TMTC1: variants seen among roughly 807,000 people sequenced by gnomAD.
TMTC1 encodes transmembrane O-mannosyltransferase targeting cadherins 1, also known as protein O-mannosyl-transferase TMTC1.
In TMTC1, 73 loss-of-function variants were observed where a neutral mutation model predicts 104.8. The ratio of observed to expected loss-of-function variants is 0.70; its 90% confidence interval spans 0.58 to 0.85. The LOEUF (loss-of-function observed/expected upper bound fraction) is 0.85. Ranked by LOEUF, TMTC1 falls within the 40% of genes least tolerant of loss-of-function variation. The pLI, the probability that TMTC1 is intolerant of heterozygous loss-of-function variation, is 0.00. For synonymous variants in TMTC1, 434 were observed against 428.7 expected (o/e 1.01, Z -0.15); for missense variants, 1,035 against 1,096.1 (o/e 0.94, Z 0.79).
At chr12:29,671,332 A>G (rs1289761588) in intron 5 of TMTC1, among the ~76,000 whole-genome samples, 1 of 133,716 alleles carries the variant, frequency 7.5e-6, no homozygotes, top group Non-Finnish European at 1.6e-5. Context: ...ATAAATAAAT[A>G]AAAGAAATAA....
rs1367609047 is a variant in TMTC1, at chr12:29,599,942, GTGTGTATATATA to G, written c.1250+4224_1250+4235del. ...TGTATATATATGTGTATATATATGTGTGTGTATATATATGTGTATATATATATGTGTGTGTGT... is the reference window on the plus strand; with the variant it reads ...TGTATATATATGTGTATATATATGTGTGTGTATATATATATGTGTGTGTGT... On this transcript the variant is annotated intron_variant, in intron 7 of 17. Coordinates refer to ENST00000539277, the MANE Select transcript of TMTC1 (RefSeq NM_001193451.2). 7.5e-5 allele frequency among the ~76,000 whole-genome samples: 11 copies of G among 146,064 alleles called. No homozygotes were observed. The East Asian group carries it at 2.2e-3, about 29-fold the overall frequency.
intron 10 of TMTC1, among the ~76,000 whole-genome samples, chr12:29,549,059 T>C (rs1214485041): frequency 1.4e-5 from 2 of 146,652 alleles, no homozygotes; most frequent in Non-Finnish European, 3.0e-5. Context: ...AATAAATATA[T>C]ATTTACCCAA....
chr12:29,704,909 G>A (rs879817408), intron 5 of TMTC1, among the ~76,000 whole-genome samples: 12 of 152,148 alleles, frequency 7.9e-5, no homozygotes, highest in South Asian at 2.1e-4. Context: ...CATATCTAAC[G>A]AAAAGAACCA....
At chr12:29,555,089 A>G (rs558218759) in intron 10 of TMTC1, among the ~76,000 whole-genome samples, 13 of 148,498 alleles carry the variant, frequency 8.8e-5, no homozygotes, top group African/African-American at 2.2e-4. Flanking sequence ...TTTATATTTC[A>G]CTGCTTCACA....
chr12:29,556,079 T>G (rs1207760713), intron 10 of TMTC1, among the ~76,000 whole-genome samples: 1 of 151,912 alleles, frequency 6.6e-6, no homozygotes, highest in East Asian at 1.9e-4. Context: ...AGAAGCTAAA[T>G]TCCATAACTA....
At chr12:29,528,108 C>T (rs892129994) in intron 11 of TMTC1, among the ~76,000 whole-genome samples, 11 of 152,112 alleles carry the variant, frequency 7.2e-5, no homozygotes, top group Non-Finnish European at 1.0e-4. Flanking sequence ...AAGTAAATTC[C>T]GCCTTCTCTG....
intron 9 of TMTC1, among the ~76,000 whole-genome samples, chr12:29,561,893 T>C (rs2136275034): frequency 6.6e-6 from 1 of 152,352 alleles, no homozygotes; most frequent in African/African-American, 2.4e-5. Flanking sequence ...TAAGGTCAGA[T>C]GTTTATTTTC....
Position 29,506,988 on chromosome 12 carries a change from T to G in TMTC1, c.2509-2A>C. 1.2e-6 allele frequency: 2 copies of G among 1,612,886 alleles called. No individual in the cohort carries two copies. Among genetic ancestry groups the G allele is most frequent in the Non-Finnish European group, 1.7e-6 (2 of 1,178,940 alleles). On this transcript the variant is annotated splice_acceptor_variant, in intron 17 of 17. Transcript: ENST00000539277. LOFTEE classifies it high-confidence loss of function. ...AGCTCTTGCAGACACATATTTTCCCTGGGGGTGGGAAAGAGGGAGCAATTA... is the reference window on the plus strand; with the variant it reads ...AGCTCTTGCAGACACATATTTTCCCGGGGGGTGGGAAAGAGGGAGCAATTA...
chr12:29,512,721 C>T (rs1008372407), intron 16 of TMTC1, among the ~76,000 whole-genome samples: 1 of 152,148 alleles, frequency 6.6e-6, no homozygotes, highest in Non-Finnish European at 1.5e-5. Context: ...CCCTCAAGCA[C>T]TTTCTTTGGT....
chr12:29,650,958 A>G (rs1939492008), intron 5 of TMTC1, among the ~76,000 whole-genome samples: 1 of 152,238 alleles, frequency 6.6e-6, no homozygotes, highest in Non-Finnish European at 1.5e-5. Context: ...TGTTGTTTCA[A>G]AAGAAAACAC....
chr12:29,599,986 G>GTGTGTATACATATA (rs1565699720), intron 7 of TMTC1, among the ~76,000 whole-genome samples: 1 of 99,150 alleles, frequency 1.0e-5, no homozygotes, highest in African/African-American at 6.4e-5. Context: ...GTGTGTGTGT[G>GTGTGTATACATATA]TATATACATA....
At chr12:29,636,875 T>C (rs1938576443) in intron 5 of TMTC1, among the ~76,000 whole-genome samples, 1 of 148,174 alleles carries the variant, frequency 6.7e-6, no homozygotes, top group Non-Finnish European at 1.5e-5. Context: ...CAAGACCTCA[T>C]CTCTACAAAA....
At position 29,758,659 on chromosome 12, in the gene TMTC1, G is replaced by A. The variant is rs201663205; in HGVS notation, c.554+45C>T. The stretch of plus-strand genomic sequence containing the variant: ...GCACATGCTCCCAGTCTACACACAC[G>A]GCACAGTTGCGATCACAGAGAAGGG... On this transcript the variant is annotated intron_variant, in intron 3 of 17. Coordinates refer to ENST00000539277, the MANE Select transcript of TMTC1 (RefSeq NM_001193451.2). 203 of 1,570,538 alleles carry A rather than the reference G, an allele frequency of 1.3e-4. 1 individual carries two copies. The highest frequency in any genetic ancestry group is 3.3e-4 in the Middle Eastern group (2 of 5,986).
intron 9 of TMTC1, 70 bp from the exon 10 acceptor site, chr12:29,557,070 TC>T: frequency 6.4e-7 from 1 of 1,558,642 alleles, no homozygotes. Flanking sequence ...TGCTTGTTCT[TC>T]TTCCCCCAAG....
chr12:29,761,591 T>TTTA (rs72512278), intron 2 of TMTC1, among the ~76,000 whole-genome samples: 1 of 151,658 alleles, frequency 6.6e-6, no homozygotes, highest in Non-Finnish European at 1.5e-5. Flanking sequence ...CGTTTTTTTT[T>TTTA]TAATCCAAGA....
intron 1 of TMTC1, among the ~76,000 whole-genome samples, chr12:29,774,207 G>A (rs1326238583): frequency 2.0e-5 from 3 of 152,114 alleles, no homozygotes; most frequent in Non-Finnish European, 1.5e-5. Context: ...TGGTGTGGTA[G>A]CTACAATTGT....
intron 6 of TMTC1, among the ~76,000 whole-genome samples, chr12:29,630,877 T>A (rs1938260871): frequency 6.6e-6 from 1 of 152,194 alleles, no homozygotes; most frequent in South Asian, 2.1e-4. Context: ...TTCCCATCAG[T>A]AATGTATAAG....
At chr12:29,767,528 G>A (rs993150088) in intron 2 of TMTC1, among the ~76,000 whole-genome samples, 1 of 152,110 alleles carries the variant, frequency 6.6e-6, no homozygotes, top group South Asian at 2.1e-4. Context: ...AACACATTAG[G>A]ACTTAAATTA....
chr12:29,587,598 C>T (rs1357469111), intron 7 of TMTC1, among the ~76,000 whole-genome samples: 2 of 152,128 alleles, frequency 1.3e-5, no homozygotes, highest in Non-Finnish European at 2.9e-5. Context: ...TCCCGAAGTA[C>T]TGGGATTACA....
Sources: gnomAD v4.1 joint callset for allele counts (sites outside exome capture counted in the v4.1 genomes callset) on GRCh38, gnomAD v4.1.1 for gene constraint, MANE v1.5 for transcripts, NCBI Gene and HGNC (gene_info 2026-07-23, HGNC 2026-07-21) for gene names.